TNXB: variants seen among roughly 807,000 people sequenced by gnomAD.
TNXB encodes tenascin-X.
A neutral mutation model predicts 340.5 loss-of-function variants in TNXB; 183 were observed. That is an observed-to-expected ratio of 0.54 (90% confidence interval 0.48 to 0.61). The LOEUF (loss-of-function observed/expected upper bound fraction) is 0.61, where lower values mean the gene tolerates loss of function less well. TNXB is among the 20% of genes least tolerant of loss of function. The pLI is 0.00. For missense variants in TNXB, 4,613 were observed against 5,446.4 expected (o/e 0.85, Z 4.82); for synonymous variants, 2,121 against 2,314.5 (o/e 0.92, Z 2.40).
At chr6:32,077,753 G>A (rs1486474143) in intron 11 of TNXB, among the ~76,000 whole-genome samples, 2 of 152,374 alleles carry the variant, frequency 1.3e-5, no homozygotes, top group South Asian at 2.1e-4. Flanking sequence ...GTGGCCGGGC[G>A]TGGTGGCTTA....
chr6:32,049,386 C>T lies in TNXB; in HGVS notation c.9641G>A (p.Gly3214Asp), dbSNP rs9267795. The change falls in exon 28 of 44, where the codon GGC (glycine) becomes GAC (aspartate). Residue 3214 changes from glycine to aspartate, a missense_variant. Around this residue, in one of 7 missense-constraint regions of TNXB, gnomAD observed 4,327 missense variants for 4,859.4 expected, o/e 0.89. Transcript: ENST00000644971. The surrounding 1 kb of genome is among the most constrained non-coding windows in gnomAD (Gnocchi z 4.5). ...DGQPQVVRVR[G>D]EESEVTVGGL... ...CCCCACGGTGACCTCGCTCTCCTCG[C>T]CCCTGACACGCACCACCTGGGGCTG... 3 of 1,612,430 alleles carry T rather than the reference C, an allele frequency of 1.9e-6. No homozygotes were observed. Among genetic ancestry groups the T allele is most frequent in the Admixed American group, 3.3e-5 (2 of 60,008 alleles).
intron 4 of TNXB, among the ~76,000 whole-genome samples, chr6:32,094,617 G>A (rs1312968973): frequency 2.0e-5 from 3 of 152,162 alleles, no homozygotes; most frequent in Non-Finnish European, 4.4e-5. Context: ...GAAAAGGGGC[G>A]AAGAAACTGG....
rs576999639 is a variant in TNXB, at chr6:32,059,397, C to T, written c.7493-1007G>A. Among the ~76,000 whole-genome samples, 10 of 123,176 alleles carry T rather than the reference C, an allele frequency of 8.1e-5. No homozygotes were observed. The South Asian group carries it at 2.2e-3, about 27-fold the overall frequency. The allele number at this position is 123,176 out of a possible 152,430, so 80.8% of individuals were successfully genotyped here. A position where few individuals can be genotyped will look rare whatever the true frequency, so the allele number is the denominator to read the frequency against. Reference sequence around the variant, plus strand: ...TCACACCACTGCACTCCAGCCTGGGCAACAGAGTGAGACTCAGTCTCAAAA... The same window carrying T: ...TCACACCACTGCACTCCAGCCTGGGTAACAGAGTGAGACTCAGTCTCAAAA... On this transcript the variant is annotated intron_variant, in intron 21 of 43. Transcript: ENST00000644971.
At chr6:32,092,088 A>G (rs1381173475) in intron 4 of TNXB, among the ~76,000 whole-genome samples, 3 of 152,214 alleles carry the variant, frequency 2.0e-5, no homozygotes, top group Non-Finnish European at 2.9e-5. Flanking sequence ...AGCACTTTGC[A>G]AAATAGCAAC....
chr6:32,068,592 G>T lies in TNXB; in HGVS notation c.6018C>A (p.Ser2006=). ...TDATPDSLSL[S]WTVPEGQFDH... ...CAAACTGTCCCTCGGGAACTGTCCAGGACAGGCTGAGGGAGTCAGGGGTGG... is the reference window on the plus strand; with the variant it reads ...CAAACTGTCCCTCGGGAACTGTCCATGACAGGCTGAGGGAGTCAGGGGTGG... Residue 2006 remains serine (S), a synonymous_variant, in exon 17 of 44, where the codon TCC becomes TCA. Transcript: ENST00000644971. The surrounding 1 kb of genome is among the most constrained non-coding windows in gnomAD (Gnocchi z 5.3). 1 of 1,613,988 alleles carries T rather than the reference G, an allele frequency of 6.2e-7. No individual in the cohort carries two copies. The highest frequency in any genetic ancestry group is 8.5e-7 in the Non-Finnish European group (1 of 1,179,902).
chr6:32,095,023 GC>G, intron 4 of TNXB, 52 bp downstream of exon 4: 1 of 1,435,138 alleles, frequency 7.0e-7, no homozygotes, highest in Non-Finnish European at 9.6e-7. Flanking sequence ...GGTGAGCCCT[GC>G]CCCCCTGTCC....
intron 3 of TNXB, 129 bp from the exon 4 acceptor site, chr6:32,095,320 G>T: frequency 2.6e-6 from 2 of 758,076 alleles, no homozygotes; most frequent in Non-Finnish European, 4.4e-6. Flanking sequence ...GTGGAGAATA[G>T]CTGACAGAGG....
rs761887887 is a variant in TNXB, at chr6:32,072,906, G to A, written c.4682-608C>T. Among the ~76,000 whole-genome samples, 41 of 152,222 alleles carry A rather than the reference G, an allele frequency of 2.7e-4. No homozygotes were observed. Among genetic ancestry groups the A allele is most frequent in the Non-Finnish European group, 5.3e-4 (36 of 68,040 alleles). ...GCGGAGGTTGCAGTGAGCCGAGATCGCGCCATTGCACTCCAGCCTGGATGA... is the reference window on the plus strand; with the variant it reads ...GCGGAGGTTGCAGTGAGCCGAGATCACGCCATTGCACTCCAGCCTGGATGA... On this transcript the variant is annotated intron_variant, in intron 12 of 43. Coordinates refer to ENST00000644971, the MANE Select transcript of TNXB (RefSeq NM_001365276.2). The surrounding 1 kb of genome is among the most constrained non-coding windows in gnomAD (Gnocchi z 4.4).
chr6:32,103,179 G>C (rs1241972272), intron 1 of TNXB, among the ~76,000 whole-genome samples: 1 of 151,982 alleles, frequency 6.6e-6, no homozygotes, highest in Non-Finnish European at 1.5e-5. Flanking sequence ...TCAGTACTTT[G>C]GGAGGCCAAG....
Position 32,049,272 on chromosome 6 carries a change from G to A in TNXB, c.9755C>T (p.Thr3252Met), listed in dbSNP as rs200942848. ...RVGPVSTVGI[T>M]APLPTPLPVE... is the part of the protein sequence containing the mutation. ...CGAGGGCCTGTCCCCCCACTCACCCGTGATGCCCACGGTGGACACTGGGCC... is the reference window on the plus strand; with the variant it reads ...CGAGGGCCTGTCCCCCCACTCACCCATGATGCCCACGGTGGACACTGGGCC... The change falls in exon 28 of 44, where the codon ACG (threonine) becomes ATG (methionine). Residue 3252 changes from threonine to methionine, a missense_variant and splice_region_variant. Transcript: ENST00000644971. The surrounding 1 kb of genome is among the most constrained non-coding windows in gnomAD (Gnocchi z 4.5). 3.0e-5 allele frequency: 49 copies of A among 1,609,458 alleles called. No individual in the cohort carries two copies. The Admixed American group carries it at 3.8e-4, about 13-fold the overall frequency.
At chr6:32,078,921 C>A in intron 11 of TNXB, 112 bp downstream of exon 11, 1 of 1,175,746 alleles carries the variant, frequency 8.5e-7, no homozygotes, top group Non-Finnish European at 1.2e-6. Context: ...TCTAGGTCTT[C>A]CCCTGGCAGG....
chr6:32,067,696 C>T lies in TNXB; in HGVS notation c.6509G>A (p.Arg2170Gln), dbSNP rs758666481. 21 of 1,613,752 alleles carry T rather than the reference C, an allele frequency of 1.3e-5. No individual in the cohort carries two copies. The highest frequency in any genetic ancestry group is 7.7e-5 in the South Asian group (7 of 91,068). ...KMHLYGLHEGRRVGPVSAVGV... is the reference protein window; with the variant it reads ...KMHLYGLHEGQRVGPVSAVGV... The stretch of plus-strand genomic sequence containing the variant: ...CACAGCAGACACTGGGCCCACGCGC[C>T]GCCCCTCGTGGAGGCCGTACAGGTG... The change falls in exon 18 of 44, where the codon CGG (arginine) becomes CAG (glutamine). Residue 2170 changes from arginine (R) to glutamine (Q), a missense_variant. Coordinates refer to ENST00000644971, the MANE Select transcript of TNXB (RefSeq NM_001365276.2). This position sits in a 1 kb window ranked among gnomAD's most constrained non-coding sequence, Gnocchi z 4.2.
At chr6:32,055,075 C>T (rs1293537160) in intron 24 of TNXB, among the ~76,000 whole-genome samples, 4 of 152,212 alleles carry the variant, frequency 2.6e-5, no homozygotes, top group Admixed American at 6.5e-5. Context: ...GCAGCTTTGG[C>T]CTTGCTCTAG....
Position 32,104,708 on chromosome 6 carries a change from C to A in TNXB, c.-9+4473G>T, listed in dbSNP as rs1225784865. Among the ~76,000 whole-genome samples, 3 of 152,064 alleles carry A rather than the reference C, an allele frequency of 2.0e-5. No individual in the cohort carries two copies. The South Asian group carries it at 6.2e-4, about 32-fold the overall frequency. On this transcript the variant is annotated intron_variant, in intron 1 of 43. Coordinates refer to ENST00000644971, the MANE Select transcript of TNXB (RefSeq NM_001365276.2). The stretch of plus-strand genomic sequence containing the variant: ...GGTGTGCAGTGGTGCGATCATAGCT[C>A]GCTGCAGCATTGACCTCCTGTTGCT...
intron 1 of TNXB, among the ~76,000 whole-genome samples, chr6:32,101,532 G>A (rs1035197070): frequency 1.3e-5 from 2 of 150,076 alleles, no homozygotes; most frequent in Middle Eastern, 3.3e-3. Context: ...CTCGTGATCC[G>A]CCCACCTTGG....
chr6:32,063,114 G>A (rs972344393), intron 19 of TNXB, among the ~76,000 whole-genome samples: 21 of 151,960 alleles, frequency 1.4e-4, no homozygotes, highest in African/African-American at 3.4e-4. Context: ...AGGGCCAGGC[G>A]TGGTGGCTCA....
Position 32,072,049 on chromosome 6 carries a change from A to G in TNXB, c.4931T>C (p.Leu1644Pro). 6.2e-7 allele frequency: 1 copy of G among 1,612,076 alleles called. No individual in the cohort carries two copies. Among genetic ancestry groups the G allele is most frequent in the Non-Finnish European group, 8.5e-7 (1 of 1,179,070 alleles). The stretch of plus-strand genomic sequence containing the variant: ...TTTCCCATCCTGGATCCCAAAGAGC[A>G]GGAACTTGTACTTGCGGGAGGGTTC... ...DLEPSRKYKF[L>P]LFGIQDGKRR... The change falls in exon 13 of 44, where the codon CTG becomes CCG. Residue 1644 changes from leucine (L) to proline (P), a missense_variant. By Grantham distance (98) the Leu-to-Pro change is moderately conservative. Coordinates refer to ENST00000644971, the MANE Select transcript of TNXB (RefSeq NM_001365276.2). This position sits in a 1 kb window ranked among gnomAD's most constrained non-coding sequence, Gnocchi z 4.4.
intron 24 of TNXB, among the ~76,000 whole-genome samples, chr6:32,055,606 C>T (rs1032231025): frequency 6.6e-6 from 1 of 152,254 alleles, no homozygotes. Context: ...ATTCCTTTGT[C>T]GTGAAGAACT....
chr6:32,055,852 T>C lies in TNXB; in HGVS notation c.8466A>G (p.Thr2822=). 1.2e-6 allele frequency: 2 copies of C among 1,608,838 alleles called. No individual in the cohort carries two copies. Among genetic ancestry groups the C allele is most frequent in the Non-Finnish European group, 1.7e-6 (2 of 1,176,148 alleles). ...TCTTCCTCACTCACAAACACTCACC[T>C]GTCACACCCACGGTGGACACCGGGC... ...RVGPVSTVGV[T]APEDEAETTQ... Residue 2822 remains threonine, a splice_region_variant and synonymous_variant, in exon 24 of 44, where the codon ACA becomes ACG. Transcript: ENST00000644971.
Sources: gnomAD v4.1 joint callset for allele counts (sites outside exome capture counted in the v4.1 genomes callset) on GRCh38, gnomAD v4.1.1 for gene constraint, gnomAD v4.1.1 regional missense constraint, Gnocchi (gnomAD v3.1) non-coding constraint, MANE v1.5 for transcripts, NCBI Gene and HGNC (gene_info 2026-07-23, HGNC 2026-07-21) for gene names.